DNER: variants seen among roughly 807,000 people sequenced by gnomAD.
DNER encodes the protein delta/notch like EGF repeat containing.
In DNER, 33 loss-of-function variants were observed where a neutral mutation model predicts 78.2. That is an observed-to-expected ratio of 0.42 (90% CI 0.32 to 0.56). DNER has a LOEUF of 0.56. Among genes scored for constraint, DNER ranks in the 20% least tolerant of loss-of-function variants. The pLI, the probability that DNER is intolerant of heterozygous loss-of-function variation, is 0.11. For missense variants in DNER, 918 were observed against 975.3 expected, an observed-to-expected ratio of 0.94 and a Z score of 0.78; for synonymous variants, 417 against 384.8, an observed-to-expected ratio of 1.08 and a Z score of -0.98.
intron 8 of DNER, among the ~76,000 whole-genome samples, chr2:229,431,635 A>G (rs184101469): frequency 1.6e-5 from 2 of 124,070 alleles, no homozygotes; most frequent in African/African-American, 3.0e-5. Context: ...GACTAAAAAG[A>G]TAAGTGTGGG....
intron 1 of DNER, among the ~76,000 whole-genome samples, chr2:229,708,318 G>C (rs1219698368): frequency 1.3e-5 from 2 of 152,230 alleles, no homozygotes; most frequent in East Asian, 3.8e-4. Flanking sequence ...ACCAGTGCCA[G>C]GCCCCACCCT....
intron 12 of DNER, among the ~76,000 whole-genome samples, chr2:229,365,609 G>A (rs1177003316): frequency 1.3e-5 from 2 of 152,128 alleles, no homozygotes; most frequent in African/African-American, 4.8e-5. Flanking sequence ...GCTAATTTTT[G>A]TATTTTAGTA....
chr2:229,684,680 T>C (rs938239042), intron 1 of DNER, among the ~76,000 whole-genome samples: 1 of 152,146 alleles, frequency 6.6e-6, no homozygotes, highest in African/African-American at 2.4e-5. Flanking sequence ...GTATTATGAG[T>C]GAGTGGAATT....
At chr2:229,537,344 T>C (rs984077835) in intron 5 of DNER, among the ~76,000 whole-genome samples, 1 of 152,164 alleles carries the variant, frequency 6.6e-6, no homozygotes, top group Non-Finnish European at 1.5e-5. Flanking sequence ...TAATCCTGAA[T>C]ATCCTCCTAG....
chr2:229,530,115 C>CA (rs1189379018), intron 5 of DNER, among the ~76,000 whole-genome samples: 4 of 150,930 alleles, frequency 2.7e-5, no homozygotes, highest in Middle Eastern at 3.4e-3. Context: ...AGAGAAAAAG[C>CA]AAAAAAAAAT....
At chr2:229,363,950 G>C (rs964204974) in intron 12 of DNER, among the ~76,000 whole-genome samples, 2 of 139,710 alleles carry the variant, frequency 1.4e-5, no homozygotes, top group African/African-American at 2.7e-5. Flanking sequence ...GACAGAAAAG[G>C]TTCTTGGGCA....
At chr2:229,447,627 C>T (rs567580798) in intron 7 of DNER, 87 bp from the exon 8 acceptor site, 2 of 1,336,062 alleles carry the variant, frequency 1.5e-6, no homozygotes, top group South Asian at 1.4e-5. Context: ...ACTGTATATG[C>T]ATAACAATTA....
intron 5 of DNER, among the ~76,000 whole-genome samples, chr2:229,529,629 T>A: frequency 6.6e-6 from 1 of 152,192 alleles, no homozygotes; most frequent in Non-Finnish European, 1.5e-5. Context: ...TACCAGCACT[T>A]ACATCTATAG....
intron 1 of DNER, among the ~76,000 whole-genome samples, chr2:229,612,923 T>A (rs1698075767): frequency 6.6e-6 from 1 of 152,204 alleles, no homozygotes; most frequent in South Asian, 2.1e-4. Context: ...TATACAAAAC[T>A]ATTTTGGACC....
chr2:229,454,212 T>C (rs900757252), intron 7 of DNER, among the ~76,000 whole-genome samples: 4 of 152,210 alleles, frequency 2.6e-5, no homozygotes, highest in African/African-American at 9.6e-5. Context: ...GTGGCTGCCA[T>C]TTTAACCACT....
chr2:229,392,720 G>A (rs531237249), intron 10 of DNER, among the ~76,000 whole-genome samples: 1 of 152,132 alleles, frequency 6.6e-6, no homozygotes, highest in African/African-American at 2.4e-5. Flanking sequence ...TAGTAATGGG[G>A]CACAACTATC....
chr2:229,653,448 C>A (rs762015481), intron 1 of DNER, among the ~76,000 whole-genome samples: 1 of 152,174 alleles, frequency 6.6e-6, no homozygotes, highest in African/African-American at 2.4e-5. Flanking sequence ...AGCCACTTGT[C>A]ATAAAAATTA....
At chr2:229,663,736 A>T (rs1699045367) in intron 1 of DNER, among the ~76,000 whole-genome samples, 1 of 152,226 alleles carries the variant, frequency 6.6e-6, no homozygotes, top group South Asian at 2.1e-4. Context: ...CATTGTGAAG[A>T]GGTAAAATTT....
chr2:229,650,117 G>C (rs1324942015), intron 1 of DNER, among the ~76,000 whole-genome samples: 2 of 149,774 alleles, frequency 1.3e-5, no homozygotes, highest in Admixed American at 1.3e-4. Context: ...ATCATTAGCT[G>C]AACTCCCAGG....
intron 1 of DNER, among the ~76,000 whole-genome samples, chr2:229,595,619 G>A (rs1697698482): frequency 6.6e-6 from 1 of 152,074 alleles, no homozygotes; most frequent in Non-Finnish European, 1.5e-5. Flanking sequence ...TGTCTGTAAT[G>A]TGCCTGCCCT....
At chr2:229,502,561 G>A (rs1462565064) in intron 6 of DNER, among the ~76,000 whole-genome samples, 1 of 152,146 alleles carries the variant, frequency 6.6e-6, no homozygotes, top group Non-Finnish European at 1.5e-5. Context: ...GGTCTTGACG[G>A]GAATAGACAC....
In DNER at chr2:229,675,229, C is replaced by T. The variant is rs541417453; in HGVS notation, c.276+38919G>A. Among the ~76,000 whole-genome samples, 8 of 152,270 alleles carry T rather than the reference C, an allele frequency of 5.3e-5. No homozygotes were observed. In the South Asian group the frequency reaches 8.3e-4, roughly 16 times the overall value. ...AAGTCCAAAAGCCTGTGGAAGGGGC[C>T]GCGTTGGTTTCACAGGACTCATTAG... On this transcript the variant is annotated intron_variant, in intron 1 of 12. Transcript: ENST00000341772.
chr2:229,609,319 A>G (rs530036142), intron 1 of DNER, among the ~76,000 whole-genome samples: 9 of 152,350 alleles, frequency 5.9e-5, no homozygotes, highest in Non-Finnish European at 1.0e-4. Flanking sequence ...TCTGACCCAC[A>G]GGCCAAATCT....
chr2:229,591,725 G>A lies in DNER; in HGVS notation c.440C>T (p.Ser147Phe), dbSNP rs375495424. Reference sequence around the variant, plus strand: ...AGGCTGAAGCTGTCGGGGTGCCATGGATTCGGTCCAGCCAGTGGCTGGGAG... The same window carrying A: ...AGGCTGAAGCTGTCGGGGTGCCATGAATTCGGTCCAGCCAGTGGCTGGGAG... Reference protein sequence around the residue: ...PSLPATGWTESMAPRQLQPVP... With the variant: ...PSLPATGWTEFMAPRQLQPVP... The change falls in exon 2 of 13, where the codon TCC (serine) becomes TTC (phenylalanine). Residue 147 changes from serine to phenylalanine, a missense_variant. By Grantham distance (155) the Ser-to-Phe change is radical. Transcript: ENST00000341772. This position sits in a 1 kb window ranked among gnomAD's most constrained non-coding sequence, Gnocchi z 4.6. 75 of 1,614,050 alleles carry A rather than the reference G, an allele frequency of 4.6e-5. 1 individual carries two copies. The African/African-American group carries it at 9.3e-4, about 20-fold the overall frequency.
Sources: allele counts gnomAD v4.1 joint callset (sites outside exome capture counted in the v4.1 genomes callset), GRCh38; gene constraint gnomAD v4.1.1; non-coding constraint Gnocchi (gnomAD v3.1); transcripts MANE v1.5; gene names NCBI Gene and HGNC (gene_info 2026-07-23, HGNC 2026-07-21).